CYS1: variants seen among roughly 807,000 people sequenced by gnomAD.
CYS1 encodes cystin 1, also known as cystin-1.
A neutral mutation model predicts 9.6 loss-of-function variants in CYS1; 5 were observed. The ratio of observed to expected loss-of-function variants is 0.52; its 90% confidence interval spans 0.27 to 1.10. The LOEUF (loss-of-function observed/expected upper bound fraction) is 1.10. Ranked by LOEUF, CYS1 falls within the 50% of genes least tolerant of loss-of-function variation. The pLI is 0.11. For missense variants in CYS1, 221 were observed against 207.9 expected (o/e 1.06, Z -0.39); for synonymous variants, 88 against 95.7 (o/e 0.92, Z 0.47).
Position 10,058,741 on chromosome 2 carries a change from G to C in CYS1, c.*112C>G, listed in dbSNP as rs1661584590. On this transcript the variant is annotated 3_prime_UTR_variant, in exon 3 of 3. Coordinates refer to ENST00000381813, the MANE Select transcript of CYS1 (RefSeq NM_001037160.3). ...TTGAAAGGGCAGCTTTGAATATCCG[G>C]GAGTGACTGCGTTTTGGAGGTGGTT... 1 of 899,510 alleles carries C rather than the reference G, an allele frequency of 1.1e-6. No homozygotes were observed. Among genetic ancestry groups the C allele is most frequent in the East Asian group, 2.7e-5 (1 of 36,800 alleles). The allele number at this position is 899,510 out of a possible 1,614,324, so 55.7% of individuals were successfully genotyped here.
chr2:10,063,016 C>T lies in CYS1; in HGVS notation c.371+2888G>A, dbSNP rs1661648891. ...CCCAGCCAAAAGCTCAGGGAAGCAG[C>T]GACTTCCTCCCGCATGGCTGCTTCC... On this transcript the variant is annotated intron_variant, in intron 2 of 2. Transcript: ENST00000381813. This position sits in a 1 kb window ranked among gnomAD's most constrained non-coding sequence, Gnocchi z 4.2. Among the ~76,000 whole-genome samples the T allele has an allele frequency of 6.6e-6, 1 of 152,238 alleles. No individual in the cohort carries two copies. The highest frequency in any genetic ancestry group is 2.1e-4 in the South Asian group (1 of 4,838).
rs1236062458 is a variant in CYS1, at chr2:10,057,865, G to GGTCA, written c.*984_*987dup. ...CCCTGTTCCCAGGGCGTCCTGGGCA[G>GGTCA]GTCAGTTTTCCCATCTGTCAACCAG... On this transcript the variant is annotated 3_prime_UTR_variant, in exon 3 of 3. Coordinates refer to ENST00000381813, the MANE Select transcript of CYS1 (RefSeq NM_001037160.3). 6.6e-6 allele frequency: 1 copy of GGTCA among 152,354 alleles called. No individual in the cohort carries two copies. Among genetic ancestry groups the GGTCA allele is most frequent in the East Asian group, 1.9e-4 (1 of 5,198 alleles). 9.4% of individuals were successfully genotyped at this position (152,354 alleles called of 1,614,324 possible).
intron 2 of CYS1, among the ~76,000 whole-genome samples, chr2:10,061,869 G>T (rs1661633767): frequency 6.6e-6 from 1 of 152,128 alleles, no homozygotes; most frequent in African/African-American, 2.4e-5. Flanking sequence ...TGCTTGGGTG[G>T]GGGCACACAG....
chr2:10,073,445 G>A (rs560038550), intron 1 of CYS1, among the ~76,000 whole-genome samples: 1 of 152,194 alleles, frequency 6.6e-6, no homozygotes, highest in South Asian at 2.1e-4. Flanking sequence ...AAAGTCCTCC[G>A]ATGTAAATAA....
chr2:10,077,146 G>A (rs1327769169), intron 1 of CYS1, among the ~76,000 whole-genome samples: 3 of 151,750 alleles, frequency 2.0e-5, no homozygotes, highest in East Asian at 3.9e-4. Context: ...TAAGCCAACC[G>A]CCCCTCACCA....
intron 1 of CYS1, among the ~76,000 whole-genome samples, chr2:10,069,483 C>A (rs1661736789): frequency 6.6e-6 from 1 of 152,096 alleles, no homozygotes; most frequent in Non-Finnish European, 1.5e-5. Context: ...ATTCTCCTGC[C>A]TCAGACTCCC....
chr2:10,070,637 C>T (rs11677394), intron 1 of CYS1, among the ~76,000 whole-genome samples: 58,339 of 151,538 alleles, frequency 0.38, 11,753 homozygotes, highest in East Asian at 0.61. Flanking sequence ...TGAGCCACTG[C>T]GCCTGGCATA....
chr2:10,072,532 G>A (rs766394714), intron 1 of CYS1, among the ~76,000 whole-genome samples: 16 of 152,214 alleles, frequency 1.1e-4, no homozygotes, highest in Non-Finnish European at 1.9e-4. Context: ...AGTTATATGT[G>A]TAATTGGCAG....
Position 10,065,932 on chromosome 2 carries a change from CCTCTGTGCTCTG to C in CYS1, c.331_342del (p.Gln111_Glu114del), listed in dbSNP as rs776768606. The C allele has an allele frequency of 6.2e-7, 1 of 1,614,184 alleles. No homozygotes were observed. Among genetic ancestry groups the C allele is most frequent in the East Asian group, 2.2e-5 (1 of 44,876 alleles). On this transcript the variant is annotated inframe_deletion, in exon 2 of 3. Transcript: ENST00000381813. ...GAGACATTGCCGCTCCCCGGGTGGCCCTCTGTGCTCTGCTCTGCGCACACCTTGAGAAAGATG... is the reference window on the plus strand; with the variant it reads ...GAGACATTGCCGCTCCCCGGGTGGCCCTCTGCGCACACCTTGAGAAAGATG...
intron 2 of CYS1, among the ~76,000 whole-genome samples, chr2:10,060,862 C>A (rs909645363): frequency 6.6e-6 from 1 of 152,224 alleles, no homozygotes; most frequent in Non-Finnish European, 1.5e-5. Context: ...GCGCCATCTG[C>A]GGTGTGTCTA....
chr2:10,074,247 G>T (rs1558360898), intron 1 of CYS1, among the ~76,000 whole-genome samples: 1 of 152,164 alleles, frequency 6.6e-6, no homozygotes, highest in Non-Finnish European at 1.5e-5. Context: ...TATCCACCTA[G>T]GACTCAAAAC....
intron 1 of CYS1, among the ~76,000 whole-genome samples, chr2:10,074,971 G>C (rs1661822330): frequency 6.6e-6 from 1 of 152,184 alleles, no homozygotes; most frequent in Non-Finnish European, 1.5e-5. Flanking sequence ...AATTACCTGG[G>C]CATGGTGGCA....
At chr2:10,060,187 A>T (rs1247868282) in intron 2 of CYS1, among the ~76,000 whole-genome samples, 1 of 152,204 alleles carries the variant, frequency 6.6e-6, no homozygotes, top group Admixed American at 6.5e-5. Context: ...CAGGTGTTGG[A>T]TGCTGCCCTC....
intron 1 of CYS1, among the ~76,000 whole-genome samples, chr2:10,066,748 A>C (rs997934661): frequency 6.6e-6 from 1 of 152,230 alleles, no homozygotes; most frequent in African/African-American, 2.4e-5. Flanking sequence ...AAAACATTGC[A>C]AAGTGGAAAA....
intron 1 of CYS1, among the ~76,000 whole-genome samples, chr2:10,077,054 C>T (rs1661853674): frequency 6.6e-6 from 1 of 152,190 alleles, no homozygotes; most frequent in Admixed American, 6.5e-5. Flanking sequence ...TACATCCCTC[C>T]AGCTGCTCTG....
Position 10,080,049 on chromosome 2 carries a change from TG to T in CYS1, c.174del (p.Ser59AlafsTer90). Reference sequence around the variant, plus strand: ...CTGCCGTCGGGGGGCGCCACGGGGCTGGGGTCGCGGCCGGGCGCCTCCTCCG... The same window carrying T: ...CTGCCGTCGGGGGGCGCCACGGGGCTGGGTCGCGGCCGGGCGCCTCCTCCG... ...AAAEEAPGRD[P>X]SPVAPPDGRD... On this transcript the variant is annotated frameshift_variant, in exon 1 of 3. Coordinates refer to ENST00000381813, the MANE Select transcript of CYS1 (RefSeq NM_001037160.3). LOFTEE classifies it high-confidence loss of function. This position sits in a 1 kb window ranked among gnomAD's most constrained non-coding sequence, Gnocchi z 6.4. 1 of 1,048,670 alleles carries T rather than the reference TG, an allele frequency of 9.5e-7. No individual in the cohort carries two copies. Among genetic ancestry groups the T allele is most frequent in the Non-Finnish European group, 1.1e-6 (1 of 872,690 alleles). The allele number at this position is 1,048,670 out of a possible 1,614,324, so 65.0% of individuals were successfully genotyped here.
chr2:10,066,802 A>G (rs1430142230), intron 1 of CYS1, among the ~76,000 whole-genome samples: 2 of 151,112 alleles, frequency 1.3e-5, no homozygotes, highest in Admixed American at 1.3e-4. Context: ...CTATACATGT[A>G]TTATAATCAG....
At chr2:10,064,419 A>G (rs1416102765) in intron 2 of CYS1, among the ~76,000 whole-genome samples, 1 of 152,092 alleles carries the variant, frequency 6.6e-6, no homozygotes, top group Non-Finnish European at 1.5e-5. Flanking sequence ...GAAACTCTAA[A>G]GTCCCTGCTG....
chr2:10,067,495 C>T (rs1243599089), intron 1 of CYS1, among the ~76,000 whole-genome samples: 1 of 150,494 alleles, frequency 6.6e-6, no homozygotes, highest in Non-Finnish European at 1.5e-5. Flanking sequence ...GCAGCCTCCA[C>T]CTCCCAGGCT....
Sources: allele counts gnomAD v4.1 joint callset (sites outside exome capture counted in the v4.1 genomes callset), GRCh38; gene constraint gnomAD v4.1.1; non-coding constraint Gnocchi (gnomAD v3.1); transcripts MANE v1.5; gene names NCBI Gene and HGNC (gene_info 2026-07-23, HGNC 2026-07-21).